RBAK: variants seen among roughly 807,000 people sequenced by gnomAD.
The protein encoded by RBAK is RB associated KRAB zinc finger, also known as RB-associated KRAB zinc finger protein.
Under a neutral mutation model 65.8 loss-of-function variants are expected in RBAK, and 39 were observed. That is an observed-to-expected ratio of 0.59 (90% confidence interval 0.46 to 0.77). The LOEUF (loss-of-function observed/expected upper bound fraction) is 0.77, where lower values mean the gene tolerates loss of function less well. Ranked by LOEUF, RBAK falls within the 30% of genes least tolerant of loss-of-function variation. RBAK has a pLI of 0.00. For synonymous variants in RBAK, 343 were observed against 289.7 expected (o/e 1.18, Z -1.87); for missense variants, 884 against 855.1 (o/e 1.03, Z -0.42).
chr7:5,046,805 C>T (rs1787997682), intron 1 of RBAK, among the ~76,000 whole-genome samples: 1 of 152,158 alleles, frequency 6.6e-6, no homozygotes, highest in Non-Finnish European at 1.5e-5. Flanking sequence ...GGGATTCTCT[C>T]TTGCTGCCTC....
Position 5,045,974 on chromosome 7 carries a change from C to T in RBAK, c.-467C>T, listed in dbSNP as rs1209942619. 6.5e-6 allele frequency: 2 copies of T among 307,002 alleles called. No homozygotes were observed. Among genetic ancestry groups the T allele is most frequent in the South Asian group, 2.6e-5 (1 of 38,902 alleles). The allele number at this position is 307,002 out of a possible 1,614,324, so 19.0% of individuals were successfully genotyped here. A position where few individuals can be genotyped will look rare whatever the true frequency, so the allele number is the denominator to read the frequency against. ...GGGGCTGGAGGTTGAGCGCCCGGGCCAGCACCTAGGCGGGCGCGGGGGTGT... is the reference window on the plus strand; with the variant it reads ...GGGGCTGGAGGTTGAGCGCCCGGGCTAGCACCTAGGCGGGCGCGGGGGTGT... On this transcript the variant is annotated 5_prime_UTR_variant, in exon 1 of 5. Transcript: ENST00000396912.
intron 2 of RBAK, among the ~76,000 whole-genome samples, chr7:5,055,077 C>T (rs369721908): frequency 1.6e-4 from 24 of 152,142 alleles, no homozygotes; most frequent in East Asian, 3.9e-4. Flanking sequence ...CCACCGTGCC[C>T]GAGCACTTTT....
chr7:5,064,804 A>G lies in RBAK; in HGVS notation c.1348A>G (p.Ser450Gly), dbSNP rs764329000. Residue 450 changes from serine to glycine, a missense_variant, in exon 5 of 5, where the codon AGT (serine) becomes GGT (glycine). Ser to Gly is a moderately conservative substitution (Grantham distance 56, BLOSUM62 0). Transcript: ENST00000396912. The surrounding 1 kb of genome is among the most constrained non-coding windows in gnomAD (Gnocchi z 6.3). ...GTCATACCTCACTATACATTATAGA[A>G]GTCATTTAGAAGAGAAACCCTATGA... ...RVSYLTIHYR[S>G]HLEEKPYECN... The G allele has an allele frequency of 6.2e-7, 1 of 1,614,132 alleles. No individual in the cohort carries two copies. The highest frequency in any genetic ancestry group is 1.1e-5 in the South Asian group (1 of 91,084).
Position 5,057,730 on chromosome 7 carries a change from A to G in RBAK, c.189A>G (p.Gly63=). ...KPNVIIKLEQ[G]EEPWIMGGEF... is the part of the protein sequence containing the mutation. ...ACGTCATCATTAAGTTGGAGCAGGG[A>G]GAGGAGCCGTGGATAATGGGAGGTG... Residue 63 remains glycine (G), a synonymous_variant, in exon 4 of 5, where the codon GGA becomes GGG. Transcript: ENST00000396912. The G allele has an allele frequency of 6.2e-7, 1 of 1,613,918 alleles. No individual in the cohort carries two copies. The highest frequency in any genetic ancestry group is 8.5e-7 in the Non-Finnish European group (1 of 1,179,840).
intron 1 of RBAK, among the ~76,000 whole-genome samples, chr7:5,047,542 AT>A: frequency 6.8e-6 from 1 of 146,496 alleles, no homozygotes; most frequent in Middle Eastern, 3.6e-3. Flanking sequence ...TTACTACCTG[AT>A]TATCTTAGAG....
chr7:5,060,833 A>T (rs1175433459), intron 4 of RBAK, among the ~76,000 whole-genome samples: 1 of 152,174 alleles, frequency 6.6e-6, no homozygotes, highest in Non-Finnish European at 1.5e-5. Flanking sequence ...GAGCTCAGAG[A>T]TGTTGTAGAT....
In RBAK at chr7:5,057,726, A is replaced by T. The variant is rs774161470; in HGVS notation, c.185A>T (p.Gln62Leu). ...CCAAACGTCATCATTAAGTTGGAGC[A>T]GGGAGAGGAGCCGTGGATAATGGGA... Reference protein sequence around the residue: ...TKPNVIIKLEQGEEPWIMGGE... With the variant: ...TKPNVIIKLELGEEPWIMGGE... The change falls in exon 4 of 5, where the codon CAG (glutamine) becomes CTG (leucine). Residue 62 changes from glutamine to leucine, a missense_variant. Gln to Leu is a moderately radical substitution (Grantham distance 113, BLOSUM62 -2). Transcript: ENST00000396912. The T allele has an allele frequency of 6.2e-7, 1 of 1,613,946 alleles. No individual in the cohort carries two copies. Among genetic ancestry groups the T allele is most frequent in the South Asian group, 1.1e-5 (1 of 91,080 alleles).
At position 5,064,879 on chromosome 7, in the gene RBAK, C is replaced by G; in HGVS notation, c.1423C>G (p.His475Asp). 6.2e-7 allele frequency: 1 copy of G among 1,613,912 alleles called. No individual in the cohort carries two copies. Among genetic ancestry groups the G allele is most frequent in the Non-Finnish European group, 8.5e-7 (1 of 1,179,832 alleles). Residue 475 changes from histidine to aspartate, a missense_variant, in exon 5 of 5, where the codon CAT becomes GAT. Coordinates refer to ENST00000396912, the MANE Select transcript of RBAK (RefSeq NM_021163.4). The surrounding 1 kb of genome is among the most constrained non-coding windows in gnomAD (Gnocchi z 6.3). ...CAATTTAAATTCAGCCTTCATTAGA[C>G]ATCGGAAAGTACACACAGAAGAGAA... is the stretch of plus-strand genomic sequence containing the variant. ...TFNLNSAFIR[H>D]RKVHTEEKSH...
At chr7:5,059,164 C>T (rs967362476) in intron 4 of RBAK, among the ~76,000 whole-genome samples, 26 of 152,156 alleles carry the variant, frequency 1.7e-4, no homozygotes, top group Non-Finnish European at 1.9e-4. Flanking sequence ...CTGTTTCTTT[C>T]GACATTCGTG....
At chr7:5,054,147 C>T (rs143494337) in intron 2 of RBAK, among the ~76,000 whole-genome samples, 1,952 of 152,218 alleles carry the variant, frequency 0.013, 22 homozygotes, top group Middle Eastern at 0.044. Context: ...TGGCTCATAC[C>T]TGTAATCACA....
chr7:5,061,191 T>C (rs565255889), intron 4 of RBAK, among the ~76,000 whole-genome samples: 2 of 152,278 alleles, frequency 1.3e-5, no homozygotes, highest in East Asian at 3.9e-4. Context: ...GACAACCCTA[T>C]GATTTAGGCA....
intron 1 of RBAK, among the ~76,000 whole-genome samples, chr7:5,046,646 C>T (rs1787992416): frequency 6.6e-6 from 1 of 152,176 alleles, no homozygotes; most frequent in Non-Finnish European, 1.5e-5. Flanking sequence ...CCCCGCTAAC[C>T]CCTAACAGCC....
chr7:5,064,634 G>T lies in RBAK; in HGVS notation c.1178G>T (p.Arg393Ile), dbSNP rs1779168428. 4 of 1,613,682 alleles carry T rather than the reference G, an allele frequency of 2.5e-6. No homozygotes were observed. The highest frequency in any genetic ancestry group is 2.5e-6 in the Non-Finnish European group (3 of 1,179,700). Residue 393 changes from arginine (R) to isoleucine (I), a missense_variant, in exon 5 of 5, where the codon AGA becomes ATA. Arg to Ile is a moderately conservative substitution (Grantham distance 97, BLOSUM62 -3). Coordinates refer to ENST00000396912, the MANE Select transcript of RBAK (RefSeq NM_021163.4). The surrounding 1 kb of genome is among the most constrained non-coding windows in gnomAD (Gnocchi z 6.3). ...AAGTCTGCTCTCAGTGACCATCAGA[G>T]AACTCACACGGGAGAGAAGCTTTAT... ...SRKSALSDHQRTHTGEKLYKC... is the reference protein window; with the variant it reads ...SRKSALSDHQITHTGEKLYKC...
At chr7:5,057,980 G>A (rs1289615385) in intron 4 of RBAK, among the ~76,000 whole-genome samples, 3 of 152,078 alleles carry the variant, frequency 2.0e-5, no homozygotes, top group East Asian at 1.9e-4. Flanking sequence ...CATTCTAACC[G>A]GTACTGGAGA....
At chr7:5,049,641 T>C (rs964011795) in intron 2 of RBAK, among the ~76,000 whole-genome samples, 1 of 152,200 alleles carries the variant, frequency 6.6e-6, no homozygotes, top group Non-Finnish European at 1.5e-5. Context: ...GTCTCTCTTT[T>C]CTTGGCTTTT....
chr7:5,046,901 A>G (rs1788000263), intron 1 of RBAK, among the ~76,000 whole-genome samples: 1 of 151,916 alleles, frequency 6.6e-6, no homozygotes, highest in Non-Finnish European at 1.5e-5. Context: ...TCATAGTAGA[A>G]CTCAGGAGTC....
At chr7:5,057,229 T>G (rs1778945682) in intron 2 of RBAK, 66 bp from the exon 3 acceptor site, 2 of 1,612,070 alleles carry the variant, frequency 1.2e-6, no homozygotes, top group Admixed American at 3.4e-5. Flanking sequence ...ACCGGTGGGC[T>G]TTGTAAAACG....
At chr7:5,047,085 T>A (rs999036976) in intron 1 of RBAK, among the ~76,000 whole-genome samples, 2 of 152,218 alleles carry the variant, frequency 1.3e-5, no homozygotes, top group African/African-American at 4.8e-5. Context: ...TCTTTGATTT[T>A]AAGCAGTTTA....
At position 5,048,348 on chromosome 7, in the gene RBAK, A is replaced by G. The variant is rs1244101465; in HGVS notation, c.15+257A>G. Among the ~76,000 whole-genome samples, 2 of 151,656 alleles carry G rather than the reference A, an allele frequency of 1.3e-5. No individual in the cohort carries two copies. The highest frequency in any genetic ancestry group is 2.9e-5 in the Non-Finnish European group (2 of 67,964). ...CCACCATGCCCAACTAATTTTTTGT[A>G]TTTTTAGAAGAGACAGGGTTTCACC... On this transcript the variant is annotated intron_variant, in intron 2 of 4. Transcript: ENST00000396912. This position sits in a 1 kb window ranked among gnomAD's most constrained non-coding sequence, Gnocchi z 4.4.
Sources: gnomAD v4.1 joint callset for allele counts (sites outside exome capture counted in the v4.1 genomes callset) on GRCh38, gnomAD v4.1.1 for gene constraint, Gnocchi (gnomAD v3.1) non-coding constraint, MANE v1.5 for transcripts, NCBI Gene and HGNC (gene_info 2026-07-23, HGNC 2026-07-21) for gene names.